RNF17: variants seen among roughly 807,000 people sequenced by gnomAD.
The protein encoded by RNF17 is spermatogenesis associated 23.
A neutral mutation model predicts 200.5 loss-of-function variants in RNF17; 31 were observed. The observed-to-expected ratio is 0.15, with a 90% CI of 0.12 to 0.21. The LOEUF is 0.21. Among genes scored for constraint, RNF17 ranks in the 10% least tolerant of loss-of-function variants. The probability of loss-of-function intolerance (pLI) is 1.00; values close to 1 mark genes in which losing one functional copy is unlikely to be tolerated. For synonymous variants in RNF17, 606 were observed against 637.8 expected, an observed-to-expected ratio of 0.95 and a Z score of 0.75; for missense variants, 1,628 against 1,905.1, an observed-to-expected ratio of 0.85 and a Z score of 2.71.
the RNF17 span, chr13:24,885,894 G>A: frequency 1.8e-6 from 1 of 545,322 alleles, no homozygotes; most frequent in Non-Finnish European, 3.3e-6. Flanking sequence ...TTACAATCCT[G>A]GGGAAGAGAC....
intron 5 of RNF17, among the ~76,000 whole-genome samples, chr13:24,781,570 A>G (rs2137560095): frequency 6.6e-6 from 1 of 152,288 alleles, no homozygotes; most frequent in South Asian, 2.1e-4. Context: ...CAGGAGTTCA[A>G]GGTTACAGTG....
At chr13:24,779,205 TAAA>T in intron 4 of RNF17, among the ~76,000 whole-genome samples, 1 of 151,048 alleles carries the variant, frequency 6.6e-6, no homozygotes, top group South Asian at 2.1e-4. Context: ...AAAAAAAAAA[TAAA>T]AAGAAAAAAA....
chr13:24,865,545 A>G (rs1893528316), intron 29 of RNF17, among the ~76,000 whole-genome samples: 1 of 152,160 alleles, frequency 6.6e-6, no homozygotes, highest in African/African-American at 2.4e-5. Flanking sequence ...AATCTTTTAT[A>G]GGAGTAGATT....
intron 11 of RNF17, among the ~76,000 whole-genome samples, chr13:24,799,162 A>T (rs1884955273): frequency 1.3e-5 from 2 of 152,196 alleles, no homozygotes; most frequent in South Asian, 4.2e-4. Context: ...TCATTAAGTG[A>T]CTGCTAACTT....
At position 24,789,423 on chromosome 13, in the gene RNF17, A is replaced by T. The variant is rs1261642001; in HGVS notation, c.859A>T (p.Arg287Trp). The T allele has an allele frequency of 6.3e-7, 1 of 1,587,278 alleles. No individual in the cohort carries two copies. The highest frequency in any genetic ancestry group is 8.6e-7 in the Non-Finnish European group (1 of 1,157,404). ...TTCTCCACAACTAAGGAACCCTCCC[A>T]GGTAAGTAAGTCATAGTTCAGGAGA... ...VSSPQLRNPP[R>W]LSVNCSEIIC... Residue 287 changes from arginine to tryptophan, a missense_variant and splice_region_variant, in exon 8 of 36, where the codon AGG becomes TGG. Coordinates refer to ENST00000255324, the MANE Select transcript of RNF17 (RefSeq NM_031277.3).
Position 24,864,891 on chromosome 13 carries a change from T to C in RNF17, c.3994T>C (p.Trp1332Arg). 1 of 1,553,862 alleles carries C rather than the reference T, an allele frequency of 6.4e-7. No homozygotes were observed. Among genetic ancestry groups the C allele is most frequent in the Non-Finnish European group, 8.8e-7 (1 of 1,137,472 alleles). ...IHIMELPKNP[W>R]EKLSIHLYFD... Reference sequence around the variant, plus strand: ...TAAATAGGAGTTACCTAAAAATCCATGGGAGAAATTGTCTATTCACCTCTA... The same window carrying C: ...TAAATAGGAGTTACCTAAAAATCCACGGGAGAAATTGTCTATTCACCTCTA... The change falls in exon 29 of 36, where the codon TGG becomes CGG. Residue 1332 changes from tryptophan to arginine, a missense_variant. Coordinates refer to ENST00000255324, the MANE Select transcript of RNF17 (RefSeq NM_031277.3).
In RNF17 at chr13:24,853,739, T is replaced by C. The variant is rs562012064; in HGVS notation, c.3321-116T>C. On this transcript the variant is annotated intron_variant, in intron 24 of 35. Transcript: ENST00000255324. ...CTGATGCTAATTTTTATGTAACAAA[T>C]TAGAGCAAATATTTTCTTTCAATTT... 1.1e-5 allele frequency: 8 copies of C among 736,146 alleles called. No individual in the cohort carries two copies. In the African/African-American group the frequency reaches 1.4e-4, roughly 13 times the overall value. The allele number at this position is 736,146 out of a possible 1,614,324, so 45.6% of individuals were successfully genotyped here.
chr13:24,825,263 T>A (rs2137962013), intron 15 of RNF17, among the ~76,000 whole-genome samples: 1 of 152,272 alleles, frequency 6.6e-6, no homozygotes, highest in African/African-American at 2.4e-5. Context: ...TAGGAACAGT[T>A]ACTGAAATAG....
intron 15 of RNF17, among the ~76,000 whole-genome samples, chr13:24,823,369 G>A (rs1461589510): frequency 6.6e-6 from 1 of 152,158 alleles, no homozygotes; most frequent in Non-Finnish European, 1.5e-5. Flanking sequence ...ACCACGCCCG[G>A]CCAAGAGAGT....
At chr13:24,826,171 AATT>A (rs1257846010) in intron 16 of RNF17, 1 of 805,676 alleles carries the variant, frequency 1.2e-6, no homozygotes, top group Non-Finnish European at 1.5e-6. Context: ...CTTTCCTGGG[AATT>A]ATTGACTGAA....
chr13:24,807,329 A>G (rs1389235533), intron 15 of RNF17, among the ~76,000 whole-genome samples: 7 of 150,800 alleles, frequency 4.6e-5, no homozygotes, highest in Non-Finnish European at 7.4e-5. Context: ...TGACTTTTTA[A>G]TGATTGCCAT....
At chr13:24,835,438 G>A (rs1260485748) in intron 18 of RNF17, among the ~76,000 whole-genome samples, 1 of 152,102 alleles carries the variant, frequency 6.6e-6, no homozygotes, top group Non-Finnish European at 1.5e-5. Flanking sequence ...TCGCCACCTC[G>A]ATGGGAACAG....
chr13:24,797,710 G>GTGTGTC (rs764232521), intron 11 of RNF17, among the ~76,000 whole-genome samples: 2,558 of 147,828 alleles, frequency 0.017, 113 homozygotes, highest in African/African-American at 0.061. Flanking sequence ...CAAAGAGTGT[G>GTGTGTC]TGTGTGTGTG....
chr13:24,766,745 T>C (rs1183476519), intron 1 of RNF17, among the ~76,000 whole-genome samples: 1 of 152,270 alleles, frequency 6.6e-6, no homozygotes, highest in African/African-American at 2.4e-5. Context: ...CCAGCCCACT[T>C]AACTGTGATA....
In RNF17 at chr13:24,768,033, C is replaced by G. The variant is rs149509365; in HGVS notation, c.225+667C>G. On this transcript the variant is annotated intron_variant, in intron 2 of 35. Transcript: ENST00000255324. Reference sequence around the variant, plus strand: ...ATGCAACCACATTTTGAACTCCCCCCCTGCCCCTCAACCTTTGTGTGTCAT... The same window carrying G: ...ATGCAACCACATTTTGAACTCCCCCGCTGCCCCTCAACCTTTGTGTGTCAT... Among the ~76,000 whole-genome samples the G allele has an allele frequency of 9.6e-3, 1,455 of 152,216 alleles. 33 individuals carry two copies. Among genetic ancestry groups the G allele is most frequent in the African/African-American group, 0.033 (1,363 of 41,532 alleles).
intron 18 of RNF17, among the ~76,000 whole-genome samples, chr13:24,838,474 G>C (rs568999959): frequency 6.6e-6 from 1 of 152,164 alleles, no homozygotes; most frequent in Non-Finnish European, 1.5e-5. Flanking sequence ...TATCAAAAAA[G>C]TAATCCATGA....
intron 23 of RNF17, among the ~76,000 whole-genome samples, chr13:24,851,182 C>T (rs1213791473): frequency 7.9e-5 from 12 of 152,126 alleles, no homozygotes; most frequent in Non-Finnish European, 1.8e-4. Flanking sequence ...TCAGTAAAGA[C>T]GGGGTTTCCC....
chr13:24,802,585 T>A lies in RNF17; in HGVS notation c.1949+14T>A. The stretch of plus-strand genomic sequence containing the variant: ...GGAACTAGCAAAGTAAGTAACTTAT[T>A]AAAACTTAAATATTCTTTGAGATTA... On this transcript the variant is annotated intron_variant, in intron 14 of 35. Transcript: ENST00000255324. 1 of 1,577,690 alleles carries A rather than the reference T, an allele frequency of 6.3e-7. No individual in the cohort carries two copies. The highest frequency in any genetic ancestry group is 8.6e-7 in the Non-Finnish European group (1 of 1,161,966).
At chr13:24,859,888 G>A (rs17081280) in intron 26 of RNF17, among the ~76,000 whole-genome samples, 19,603 of 151,784 alleles carry the variant, frequency 0.13, 1,376 homozygotes, top group East Asian at 0.17. Flanking sequence ...AGTTATCCTA[G>A]ACATAGATTA....
Sources: allele counts gnomAD v4.1 joint callset (sites outside exome capture counted in the v4.1 genomes callset), GRCh38; gene constraint gnomAD v4.1.1; transcripts MANE v1.5; gene names NCBI Gene and HGNC (gene_info 2026-07-23, HGNC 2026-07-21).